The following ZFHX3 variants were observed in gnomAD, a reference collection of about 807,000 sequenced individuals.
ZFHX3 encodes the protein zinc finger homeobox 3.
ZFHX3 carries 42 observed loss-of-function variants against 279.1 expected under a neutral mutation model. The ratio of observed to expected loss-of-function variants is 0.15; its 90% CI spans 0.12 to 0.19. The LOEUF is 0.19. Among genes scored for constraint, ZFHX3 ranks in the 10% least tolerant of loss-of-function variants. The pLI is 1.00. For synonymous variants in ZFHX3, 2,293 were observed against 1,957.8 expected, an observed-to-expected ratio of 1.17 and a Z score of -4.52; for missense variants, 4,981 against 4,754.0, an observed-to-expected ratio of 1.05 and a Z score of -1.40.
At chr16:73,780,652 G>T (rs758488142) in intron 1 of ZFHX3, among the ~76,000 whole-genome samples, 1 of 152,136 alleles carries the variant, frequency 6.6e-6, no homozygotes, top group Non-Finnish European at 1.5e-5. Context: ...ATGTTAGCCA[G>T]GCTGGTCTCA....
intron 2 of ZFHX3, among the ~76,000 whole-genome samples, chr16:73,518,278 A>G (rs1227329797): frequency 6.6e-6 from 1 of 152,204 alleles, no homozygotes; most frequent in Non-Finnish European, 1.5e-5. Flanking sequence ...CTCAGCATAC[A>G]GTGTTTAGAA....
At chr16:73,334,059 G>T (rs2015859166) in intron 3 of ZFHX3, among the ~76,000 whole-genome samples, 1 of 152,184 alleles carries the variant, frequency 6.6e-6, no homozygotes, top group Admixed American at 6.5e-5. Flanking sequence ...CAGAGAAGAG[G>T]ATGGGGTCAA....
chr16:73,711,410 G>T (rs1037227245), intron 1 of ZFHX3, among the ~76,000 whole-genome samples: 3 of 152,174 alleles, frequency 2.0e-5, no homozygotes, highest in Non-Finnish European at 4.4e-5. Flanking sequence ...AACAAGAAAC[G>T]AACAGTGAGC....
At chr16:72,824,560 C>T (rs2143692343) in intron 5 of ZFHX3, among the ~76,000 whole-genome samples, 1 of 152,276 alleles carries the variant, frequency 6.6e-6, no homozygotes, top group South Asian at 2.1e-4. Context: ...CTCCAACCCG[C>T]ATTTTTCAAA....
intron 1 of ZFHX3, among the ~76,000 whole-genome samples, chr16:73,890,899 A>T (rs1187094557): frequency 6.6e-6 from 1 of 151,470 alleles, no homozygotes; most frequent in Non-Finnish European, 1.5e-5. Flanking sequence ...ATCACAATAA[A>T]GAGATGCATT....
At chr16:72,990,623 A>AT (rs1257358313) in intron 1 of ZFHX3, among the ~76,000 whole-genome samples, 1 of 152,082 alleles carries the variant, frequency 6.6e-6, no homozygotes, top group Non-Finnish European at 1.5e-5. Flanking sequence ...ACTTTAAACG[A>AT]TTTTTGTCTA....
rs534940776 is a variant in ZFHX3, at chr16:73,796,215, A to T, written c.-1608+95436T>A. Among the ~76,000 whole-genome samples the T allele has an allele frequency of 9.2e-5, 14 of 152,336 alleles. No homozygotes were observed. In the South Asian group the frequency reaches 2.9e-3, roughly 32 times the overall value. ...TTTAAAATAGCACAAAGTATTACCC[A>T]AACCATTAAACCTTTTGCACAGCCA... On this transcript the variant is annotated intron_variant, in intron 1 of 17. Coordinates refer to the ZFHX3 transcript ENST00000641206.
rs142944547 is a variant in ZFHX3, at chr16:73,627,896, C to T, written c.-1547+52284G>A. Reference sequence around the variant, plus strand: ...CTGTGCCACTGCACTCCAGCCTGGGCGACAGAGCAAGACTCCATCTCAAAA... The same window carrying T: ...CTGTGCCACTGCACTCCAGCCTGGGTGACAGAGCAAGACTCCATCTCAAAA... On this transcript the variant is annotated intron_variant, in intron 2 of 17. Transcript: ENST00000641206. 2.9e-3 allele frequency among the ~76,000 whole-genome samples: 439 copies of T among 152,154 alleles called. 2 individuals carry two copies. The highest frequency in any genetic ancestry group is 6.8e-3 in the Middle Eastern group (2 of 294).
chr16:73,272,023 C>T (rs1281487058), intron 4 of ZFHX3, among the ~76,000 whole-genome samples: 3 of 152,188 alleles, frequency 2.0e-5, no homozygotes, highest in African/African-American at 7.2e-5. Flanking sequence ...GCAACCCATA[C>T]CTCAGGGAGG....
chr16:73,452,939 C>T (rs1486645887), intron 3 of ZFHX3, among the ~76,000 whole-genome samples: 2 of 152,196 alleles, frequency 1.3e-5, no homozygotes, highest in Non-Finnish European at 2.9e-5. Context: ...AAGAGGTTAC[C>T]TTTGGTCCAC....
intron 4 of ZFHX3, among the ~76,000 whole-genome samples, chr16:73,300,177 T>C (rs1228039406): frequency 6.7e-6 from 1 of 150,094 alleles, no homozygotes; most frequent in Non-Finnish European, 1.5e-5. Context: ...TGAGCCCAGA[T>C]GGCTTGAGCC....
chr16:72,790,034 C>T (rs759200976), intron 9 of ZFHX3: 3 of 152,358 alleles, frequency 2.0e-5, no homozygotes, highest in Non-Finnish European at 2.9e-5. Context: ...TGATCATACC[C>T]CTAATCTACC....
At chr16:73,865,004 C>T (rs1961975523) in intron 1 of ZFHX3, among the ~76,000 whole-genome samples, 1 of 152,198 alleles carries the variant, frequency 6.6e-6, no homozygotes, top group African/African-American at 2.4e-5. Context: ...TTTGCAGCTT[C>T]TTCTCTACTG....
At chr16:73,181,832 C>G (rs943035358) in intron 5 of ZFHX3, among the ~76,000 whole-genome samples, 17 of 152,078 alleles carry the variant, frequency 1.1e-4, no homozygotes, top group Non-Finnish European at 2.2e-4. Flanking sequence ...GCTGAAGGCA[C>G]AATTGTGGGC....
chr16:73,081,422 G>C (rs1965943495), intron 8 of ZFHX3: 1 of 152,010 alleles, frequency 6.6e-6, no homozygotes, highest in South Asian at 2.1e-4. Flanking sequence ...ACCATGCCCG[G>C]CTAATTTTGT....
At chr16:72,983,164 G>A (rs1024143079) in intron 1 of ZFHX3, among the ~76,000 whole-genome samples, 6 of 152,178 alleles carry the variant, frequency 3.9e-5, no homozygotes, top group East Asian at 1.9e-4. Flanking sequence ...TGTTCCTACC[G>A]TGATAGAAAA....
At chr16:73,708,950 G>A (rs374963250) in intron 1 of ZFHX3, among the ~76,000 whole-genome samples, 26 of 152,238 alleles carry the variant, frequency 1.7e-4, no homozygotes, top group Non-Finnish European at 2.6e-4. Context: ...ATCTTCCCTC[G>A]TTGATGAGGT....
At chr16:72,972,889 G>A (rs915538373) in intron 1 of ZFHX3, among the ~76,000 whole-genome samples, 8 of 151,902 alleles carry the variant, frequency 5.3e-5, no homozygotes, top group Non-Finnish European at 1.0e-4. Context: ...CCACTTATTC[G>A]ATAAAATTCT....
At chr16:73,636,280 G>A (rs563067255) in intron 2 of ZFHX3, among the ~76,000 whole-genome samples, 3 of 152,248 alleles carry the variant, frequency 2.0e-5, no homozygotes, top group Non-Finnish European at 4.4e-5. Context: ...ACATAATGAA[G>A]GATATTTATC....
Sources: gnomAD v4.1 joint callset for allele counts (sites outside exome capture counted in the v4.1 genomes callset) on GRCh38, gnomAD v4.1.1 for gene constraint, MANE v1.5 for transcripts, NCBI Gene and HGNC (gene_info 2026-07-23, HGNC 2026-07-21) for gene names.